The following AKAP9 variants were observed in gnomAD, a reference collection of about 807,000 sequenced individuals.
AKAP9 encodes the protein A-kinase anchor protein 9.
A neutral mutation model predicts 488.5 loss-of-function variants in AKAP9; 311 were observed. That is an observed-to-expected ratio of 0.64 (90% CI 0.58 to 0.70). AKAP9 has a LOEUF of 0.70. Ranked by LOEUF, AKAP9 falls within the 30% of genes least tolerant of loss-of-function variation. The pLI, the probability that AKAP9 is intolerant of heterozygous loss-of-function variation, is 0.00. For synonymous variants in AKAP9, 1,462 were observed against 1,483.5 expected, an observed-to-expected ratio of 0.99 and a Z score of 0.33; for missense variants, 4,215 against 4,374.5, an observed-to-expected ratio of 0.96 and a Z score of 1.03.
At chr7:91,966,136 C>T (rs1794418950) in intron 1 of AKAP9, among the ~76,000 whole-genome samples, 2 of 152,168 alleles carry the variant, frequency 1.3e-5, no homozygotes, top group South Asian at 2.1e-4. Flanking sequence ...AAGTGATCCT[C>T]CTGCCTCGGC....
chr7:92,034,496 A>ATTTTTTTTTTTTTTTTTTTTTTTTTTT, intron 16 of AKAP9, among the ~76,000 whole-genome samples: 1 of 104,278 alleles, frequency 9.6e-6, no homozygotes, highest in Non-Finnish European at 1.9e-5. Flanking sequence ...ATATATATAT[A>ATTTTTTTTTTTTTTTTTTTTTTTTTTT]TATTTTTTTT....
At chr7:91,951,646 T>C (rs867685015) in intron 1 of AKAP9, among the ~76,000 whole-genome samples, 5 of 152,328 alleles carry the variant, frequency 3.3e-5, no homozygotes, top group Non-Finnish European at 2.9e-5. Context: ...TTCTGTCTCA[T>C]GTATCATCAT....
intron 8 of AKAP9, among the ~76,000 whole-genome samples, chr7:92,004,891 G>T (rs1388252499): frequency 1.3e-5 from 2 of 152,172 alleles, no homozygotes; most frequent in East Asian, 3.8e-4. Context: ...TCCCTGTCTT[G>T]TGCCAGTTTT....
At chr7:91,968,979 C>T (rs1480323869) in intron 1 of AKAP9, among the ~76,000 whole-genome samples, 1 of 151,978 alleles carries the variant, frequency 6.6e-6, no homozygotes, top group Non-Finnish European at 1.5e-5. Flanking sequence ...TCAAGCGATC[C>T]TCCTGCCTCA....
chr7:92,108,388 G>A (rs181430528), intron 48 of AKAP9, 106 bp from the exon 49 acceptor site: 16 of 1,056,622 alleles, frequency 1.5e-5, no homozygotes, highest in East Asian at 7.1e-5. Context: ...TACATTATGT[G>A]TGTACAAGTG....
chr7:92,003,105 A>G lies in AKAP9; in HGVS notation c.3188A>G (p.Glu1063Gly). The change falls in exon 8 of 50, where the codon GAA becomes GGA. Residue 1063 changes from glutamate (E) to glycine (G), a missense_variant. By Grantham distance (98) the Glu-to-Gly change is moderately conservative (BLOSUM62 -2). Coordinates refer to ENST00000356239, the MANE Select transcript of AKAP9 (RefSeq NM_005751.5). The stretch of plus-strand genomic sequence containing the variant: ...TCTTTTGAAAATATGACTGTTGGAG[A>G]AGAAAGTAAGCAAGAACAGTTGATT... ...KVSFENMTVG[E>G]ESKQEQLILD... is the part of the protein sequence containing the mutation. 6.2e-7 allele frequency: 1 copy of G among 1,611,938 alleles called. No homozygotes were observed. The highest frequency in any genetic ancestry group is 8.5e-7 in the Non-Finnish European group (1 of 1,178,900).
chr7:92,002,628 GAATA>G lies in AKAP9; in HGVS notation c.2715_2718del (p.Asn906GlnfsTer4). On this transcript the variant is annotated frameshift_variant, in exon 8 of 50. Transcript: ENST00000356239. LOFTEE classifies it high-confidence loss of function. ...CTTAATGAAGAGCTTCATTTGCAAA[GAATA>G]AATCCAACTACAGTGAAAATGAAAA... 1 of 1,612,770 alleles carries G rather than the reference GAATA, an allele frequency of 6.2e-7. No individual in the cohort carries two copies. Among genetic ancestry groups the G allele is most frequent in the Non-Finnish European group, 8.5e-7 (1 of 1,179,356 alleles).
chr7:91,992,116 A>G, intron 3 of AKAP9, 42 bp from the exon 4 acceptor site: 1 of 1,460,578 alleles, frequency 6.8e-7, no homozygotes. Context: ...AAATAAAATT[A>G]TGTCTAAGAT....
At chr7:92,056,626 G>C (rs546900403) in intron 22 of AKAP9, among the ~76,000 whole-genome samples, 3 of 151,698 alleles carry the variant, frequency 2.0e-5, no homozygotes, top group Non-Finnish European at 4.4e-5. Flanking sequence ...GCCTAGTCCA[G>C]ACTTGTAAGA....
chr7:92,002,828 G>A lies in AKAP9; in HGVS notation c.2911G>A (p.Gly971Ser), dbSNP rs761624453. 5 of 1,613,570 alleles carry A rather than the reference G, an allele frequency of 3.1e-6. No individual in the cohort carries two copies. The highest frequency in any genetic ancestry group is 3.4e-6 in the Non-Finnish European group (4 of 1,179,704). ...DLSEQLKQKH[G>S]EISFLNEEVK... Reference sequence around the variant, plus strand: ...TTCTGAACAATTGAAACAGAAACATGGTGAGATTAGTTTTCTAAATGAAGA... The same window carrying A: ...TTCTGAACAATTGAAACAGAAACATAGTGAGATTAGTTTTCTAAATGAAGA... Residue 971 changes from glycine to serine, a missense_variant, in exon 8 of 50, where the codon GGT becomes AGT. Physicochemically the swap from Gly to Ser is moderately conservative, Grantham distance 56. Transcript: ENST00000356239.
At chr7:91,949,677 A>T (rs1584532149) in intron 1 of AKAP9, among the ~76,000 whole-genome samples, 2 of 152,296 alleles carry the variant, frequency 1.3e-5, no homozygotes, top group Non-Finnish European at 2.9e-5. Context: ...CATTGCATAA[A>T]GCTTTGGTTG....
At chr7:92,085,792 T>C in intron 36 of AKAP9, 106 bp downstream of exon 36, 1 of 763,714 alleles carries the variant, frequency 1.3e-6, no homozygotes, top group Non-Finnish European at 1.9e-6. Context: ...CATGAATAAC[T>C]ATATATATAT....
At chr7:92,004,159 C>G (rs909906194) in intron 8 of AKAP9, among the ~76,000 whole-genome samples, 1 of 152,136 alleles carries the variant, frequency 6.6e-6, no homozygotes, top group African/African-American at 2.4e-5. Context: ...TTCCATTGGT[C>G]TATATCTCTG....
intron 17 of AKAP9, 104 bp from the exon 18 acceptor site, chr7:92,040,570 A>G (rs1805898472): frequency 1.3e-6 from 1 of 776,982 alleles, no homozygotes. Context: ...TTATGGGATA[A>G]GGAATAGAAT....
intron 19 of AKAP9, 121 bp from the exon 20 acceptor site, chr7:92,042,547 A>G: frequency 1.4e-6 from 1 of 699,112 alleles, no homozygotes; most frequent in South Asian, 1.7e-5. Context: ...AACCAGTATC[A>G]ATTTTGTGCA....
intron 37 of AKAP9, among the ~76,000 whole-genome samples, chr7:92,088,905 A>G (rs1458539876): frequency 2.0e-5 from 3 of 152,184 alleles, no homozygotes; most frequent in African/African-American, 7.2e-5. Flanking sequence ...CATTGGGAAA[A>G]GCTGGCTAAC....
chr7:91,970,906 A>T (rs1174541749), intron 1 of AKAP9, among the ~76,000 whole-genome samples: 3 of 152,180 alleles, frequency 2.0e-5, no homozygotes, highest in Admixed American at 2.0e-4. Context: ...AGTTTTAAAA[A>T]GTTTTTATTA....
At position 92,100,837 on chromosome 7, in the gene AKAP9, TA is replaced by T. The variant is rs1563147423; in HGVS notation, c.10897-18del. 2 of 1,613,934 alleles carry T rather than the reference TA, an allele frequency of 1.2e-6. No individual in the cohort carries two copies. Among genetic ancestry groups the T allele is most frequent in the Non-Finnish European group, 1.7e-6 (2 of 1,179,818 alleles). ...ACTTTTCTTCAGAGACTTGTGTAAG[TA>T]GGCTGTGGTCTTTGCAGTCTTCCAG... On this transcript the variant is annotated intron_variant, in intron 44 of 49. Transcript: ENST00000356239.
intron 18 of AKAP9, chr7:92,041,130 GTCTT>G: frequency 2.2e-6 from 1 of 463,366 alleles, no homozygotes; most frequent in Non-Finnish European, 3.8e-6. Context: ...AGTGGGCATT[GTCTT>G]TCTGTCATTT....
Sources: gnomAD v4.1 joint callset for allele counts (sites outside exome capture counted in the v4.1 genomes callset) on GRCh38, gnomAD v4.1.1 for gene constraint, MANE v1.5 for transcripts, NCBI Gene and HGNC (gene_info 2026-07-23, HGNC 2026-07-21) for gene names.